PRKCE: variants seen among roughly 807,000 people sequenced by gnomAD.
PRKCE encodes the protein protein kinase C epsilon type.
In PRKCE, 16 loss-of-function variants were observed where a neutral mutation model predicts 85.4. The ratio of observed to expected loss-of-function variants is 0.19; its 90% CI spans 0.13 to 0.28. The LOEUF is 0.28. PRKCE is among the 10% of genes least tolerant of loss of function. The probability of loss-of-function intolerance (pLI) is 1.00; values close to 1 mark genes in which losing one functional copy is unlikely to be tolerated. For missense variants in PRKCE, 573 were observed against 975.2 expected, an observed-to-expected ratio of 0.59 and a Z score of 5.49; for synonymous variants, 388 against 371.5, an observed-to-expected ratio of 1.04 and a Z score of -0.51.
chr2:45,982,429 G>C (rs988442191), intron 5 of PRKCE, among the ~76,000 whole-genome samples: 3 of 152,190 alleles, frequency 2.0e-5, no homozygotes, highest in Admixed American at 6.5e-5. Context: ...CCTGCACCGT[G>C]AACACTCGGC....
rs752088265 is a variant in PRKCE, at chr2:46,138,024, T to A, written c.1593-7069T>A. On this transcript the variant is annotated intron_variant, in intron 11 of 14. Coordinates refer to ENST00000306156, the MANE Select transcript of PRKCE (RefSeq NM_005400.3). This position sits in a 1 kb window ranked among gnomAD's most constrained non-coding sequence, Gnocchi z 4.2. ...TCTTAGAAGTCAAACTTTTTGTTTT[T>A]CCCCTGAGACTATTACTGCTAGGAC... Among the ~76,000 whole-genome samples, 25 of 152,350 alleles carry A rather than the reference T, an allele frequency of 1.6e-4. No homozygotes were observed. Among genetic ancestry groups the A allele is most frequent in the Non-Finnish European group, 2.2e-4 (15 of 68,034 alleles).
In PRKCE at chr2:45,905,131, A is replaced by T. The variant is rs1294759150; in HGVS notation, c.412+62068A>T. On this transcript the variant is annotated intron_variant, in intron 2 of 14. Transcript: ENST00000306156. This position sits in a 1 kb window ranked among gnomAD's most constrained non-coding sequence, Gnocchi z 4.4. ...AGCAGCTCCTTGTTAATTCAGAGTA[A>T]TGCTGGGGCAGGCCGTAGTCCAGGC... Among the ~76,000 whole-genome samples, 1 of 152,194 alleles carries T rather than the reference A, an allele frequency of 6.6e-6. No individual in the cohort carries two copies. The highest frequency in any genetic ancestry group is 1.9e-4 in the East Asian group (1 of 5,188).
At chr2:46,054,270 G>T (rs117355442) in intron 10 of PRKCE, among the ~76,000 whole-genome samples, 1 of 152,262 alleles carries the variant, frequency 6.6e-6, no homozygotes, top group Non-Finnish European at 1.5e-5. Context: ...GAGATGGGCA[G>T]TGTGGCTATG....
chr2:46,140,653 C>G (rs1286689538), intron 11 of PRKCE, among the ~76,000 whole-genome samples: 3 of 152,080 alleles, frequency 2.0e-5, no homozygotes, highest in Admixed American at 2.0e-4. Context: ...AATCCAAACC[C>G]ATGATATAAA....
intron 1 of PRKCE, among the ~76,000 whole-genome samples, chr2:45,770,232 G>C (rs1471696889): frequency 6.6e-6 from 1 of 152,162 alleles, no homozygotes; most frequent in Non-Finnish European, 1.5e-5. Flanking sequence ...CTCTGCCCTA[G>C]GGTCAAATGC....
rs950002608 is a variant in PRKCE, at chr2:45,652,998, TCTC to T, written c.348+555_348+557del. Among the ~76,000 whole-genome samples the T allele has an allele frequency of 1.3e-5, 2 of 152,120 alleles. No homozygotes were observed. Among genetic ancestry groups the T allele is most frequent in the Admixed American group, 6.6e-5 (1 of 15,266 alleles). On this transcript the variant is annotated intron_variant, in intron 1 of 14. Coordinates refer to ENST00000306156, the MANE Select transcript of PRKCE (RefSeq NM_005400.3). The surrounding 1 kb of genome is among the most constrained non-coding windows in gnomAD (Gnocchi z 7.7). ...TGACATACAAGTAGAAAAAATGTGT[TCTC>T]CTCCAGGATGTCTCCTCTATGGTCC...
chr2:45,739,325 G>A (rs1316194203), intron 1 of PRKCE, among the ~76,000 whole-genome samples: 1 of 152,192 alleles, frequency 6.6e-6, no homozygotes, highest in African/African-American at 2.4e-5. Flanking sequence ...TCACACAGAA[G>A]ACTGAAGTGC....
chr2:45,746,764 A>T (rs1683170807), intron 1 of PRKCE, among the ~76,000 whole-genome samples: 1 of 152,218 alleles, frequency 6.6e-6, no homozygotes, highest in Admixed American at 6.5e-5. Context: ...TTCATTCAAG[A>T]CTGCTTGACA....
At chr2:46,053,320 C>A (rs1027798359) in intron 10 of PRKCE, among the ~76,000 whole-genome samples, 1 of 152,044 alleles carries the variant, frequency 6.6e-6, no homozygotes, top group Non-Finnish European at 1.5e-5. Context: ...AAAAGTTACT[C>A]CCCCCCGATT....
chr2:45,885,002 T>TATATTTTTTTG (rs1553440407), intron 2 of PRKCE, among the ~76,000 whole-genome samples: 5 of 97,666 alleles, frequency 5.1e-5, no homozygotes, highest in South Asian at 3.4e-4. Context: ...TATATATATA[T>TATATTTTTTTG]TTGTTGTTGT....
At chr2:46,005,534 G>A (rs61758282) in intron 8 of PRKCE, among the ~76,000 whole-genome samples, 2,983 of 152,254 alleles carry the variant, frequency 0.02, 32 homozygotes, top group Middle Eastern at 0.048. Flanking sequence ...GGAAGTGGGA[G>A]GTCAGAGTGT....
intron 2 of PRKCE, chr2:45,851,932 T>A (rs1573609170): frequency 6.6e-6 from 1 of 152,298 alleles, no homozygotes; most frequent in South Asian, 2.1e-4. Flanking sequence ...GTGGGCCAGG[T>A]GGCCTGGGCT....
Position 46,159,552 on chromosome 2 carries a change from C to G in PRKCE, c.1921-54C>G. 1 of 1,532,594 alleles carries G rather than the reference C, an allele frequency of 6.5e-7. No homozygotes were observed. The highest frequency in any genetic ancestry group is 8.7e-7 in the Non-Finnish European group (1 of 1,147,232). The allele number at this position is 1,532,594 out of a possible 1,614,324, so 94.9% of individuals were successfully genotyped here. A position where few individuals can be genotyped will look rare whatever the true frequency, so the allele number is the denominator to read the frequency against. ...GCTGACCTCCATCTGTCCCTTATAG[C>G]CTGTGCTGGCCAGGCCTTTGTCACT... On this transcript the variant is annotated intron_variant, in intron 13 of 14. Transcript: ENST00000306156. This position sits in a 1 kb window ranked among gnomAD's most constrained non-coding sequence, Gnocchi z 4.1.
intron 1 of PRKCE, among the ~76,000 whole-genome samples, chr2:45,814,021 CAG>C (rs1688840234): frequency 6.6e-6 from 1 of 152,120 alleles, no homozygotes; most frequent in Non-Finnish European, 1.5e-5. Flanking sequence ...GGCAGGACAT[CAG>C]AGAAGCCCCC....
intron 2 of PRKCE, chr2:45,845,896 A>T (rs1379181619): frequency 6.6e-6 from 1 of 152,218 alleles, no homozygotes; most frequent in Non-Finnish European, 1.5e-5. Context: ...ATCCTTTGGT[A>T]CAATTTGAAT....
At chr2:45,978,882 T>C (rs1702664671) in intron 3 of PRKCE, 94 bp from the exon 4 acceptor site, 1 of 1,006,442 alleles carries the variant, frequency 9.9e-7, no homozygotes, top group Non-Finnish European at 1.5e-6. Flanking sequence ...CTTGGTGCTA[T>C]GTGGGTGGTG....
At chr2:46,017,084 A>C (rs961182580) in intron 10 of PRKCE, among the ~76,000 whole-genome samples, 5 of 150,930 alleles carry the variant, frequency 3.3e-5, no homozygotes, top group African/African-American at 1.2e-4. Flanking sequence ...GTGCCATCTT[A>C]ACCGTTTTTA....
chr2:45,912,340 G>A (rs1697443254), intron 2 of PRKCE, among the ~76,000 whole-genome samples: 1 of 152,162 alleles, frequency 6.6e-6, no homozygotes, highest in African/African-American at 2.4e-5. Flanking sequence ...TGCAGCTGCA[G>A]GGCCTGGGCA....
chr2:45,683,594 T>G (rs1047582717), intron 1 of PRKCE, among the ~76,000 whole-genome samples: 6 of 152,124 alleles, frequency 3.9e-5, no homozygotes, highest in South Asian at 2.1e-4. Context: ...GAATGAGAGA[T>G]AGGATGGAAT....
Sources: allele counts gnomAD v4.1 joint callset (sites outside exome capture counted in the v4.1 genomes callset), GRCh38; gene constraint gnomAD v4.1.1; non-coding constraint Gnocchi (gnomAD v3.1); transcripts MANE v1.5; gene names NCBI Gene and HGNC (gene_info 2026-07-23, HGNC 2026-07-21).